The following MMS19 variants were observed in gnomAD, a reference collection of about 807,000 sequenced individuals.
The protein encoded by MMS19 is MMS19 nucleotide excision repair protein homolog.
MMS19 carries 77 observed loss-of-function variants against 129.8 expected under a neutral mutation model. The ratio of observed to expected loss-of-function variants is 0.59; its 90% CI spans 0.49 to 0.72. The LOEUF (loss-of-function observed/expected upper bound fraction) is 0.72, where lower values mean the gene tolerates loss of function less well. MMS19 is among the 30% of genes least tolerant of loss of function. The pLI, the probability that MMS19 is intolerant of heterozygous loss-of-function variation, is 0.00. For synonymous variants in MMS19, 491 were observed against 502.8 expected, an observed-to-expected ratio of 0.98 and a Z score of 0.31; for missense variants, 1,168 against 1,266.3, an observed-to-expected ratio of 0.92 and a Z score of 1.18.
intron 1 of MMS19, among the ~76,000 whole-genome samples, chr10:97,493,840 AC>A (rs1389336359): frequency 6.6e-6 from 1 of 152,034 alleles, no homozygotes; most frequent in Non-Finnish European, 1.5e-5. Flanking sequence ...ACATGGAGAA[AC>A]CCCATCTCTA....
In MMS19 at chr10:97,470,786, G is replaced by C. The variant is rs765501642; in HGVS notation, c.760C>G (p.Arg254Gly). The change falls in exon 9 of 31, where the codon CGA (arginine) becomes GGA (glycine). Residue 254 changes from arginine (R) to glycine (G), a missense_variant. Physicochemically the swap from Arg to Gly is moderately radical, Grantham distance 125 (BLOSUM62 -2). Coordinates refer to ENST00000438925, the MANE Select transcript of MMS19 (RefSeq NM_022362.5). The stretch of plus-strand genomic sequence containing the variant: ...TTGGCTAGACCCACCTCAGCAAATC[G>C]TGGTGTAGAAGCCAGCACAGCGCGA... Reference protein sequence around the residue: ...SLRAVLASTPRFAEFLLPLLI... With the variant: ...SLRAVLASTPGFAEFLLPLLI... The C allele has an allele frequency of 3.7e-6, 6 of 1,612,554 alleles. No individual in the cohort carries two copies. In the South Asian group the frequency reaches 6.6e-5, roughly 18 times the overall value.
intron 1 of MMS19, among the ~76,000 whole-genome samples, chr10:97,496,454 G>A (rs2039802171): frequency 2.0e-5 from 3 of 148,808 alleles, no homozygotes; most frequent in Admixed American, 6.8e-5. Flanking sequence ...CGAGGCTACA[G>A]TGAGCCATGA....
intron 1 of MMS19, among the ~76,000 whole-genome samples, chr10:97,490,750 G>T (rs187819721): frequency 1.6e-4 from 25 of 152,300 alleles, no homozygotes; most frequent in Admixed American, 9.2e-4. Flanking sequence ...GTAAGAAGTC[G>T]TCCAATGAGA....
chr10:97,459,512 C>T lies in MMS19; in HGVS notation c.2754G>A (p.Leu918=). The T allele has an allele frequency of 6.2e-7, 1 of 1,612,772 alleles. No homozygotes were observed. The highest frequency in any genetic ancestry group is 2.2e-5 in the East Asian group (1 of 44,840). ...AGTCAGGGCAGGACAGGGCCTCCAG[C>T]AGCAAGGAAAGAAGCTAAGGGGCAA... ...LPELPTLLSL[L]LEALSCPDCV... is the part of the protein sequence containing the mutation. Residue 918 remains leucine (L), a synonymous_variant, in exon 28 of 31, where the codon CTG becomes CTA. Coordinates refer to ENST00000438925, the MANE Select transcript of MMS19 (RefSeq NM_022362.5).
In MMS19 at chr10:97,458,638, C is replaced by A; in HGVS notation, c.*54G>T. 1 of 1,545,978 alleles carries A rather than the reference C, an allele frequency of 6.5e-7. No homozygotes were observed. The highest frequency in any genetic ancestry group is 8.8e-7 in the Non-Finnish European group (1 of 1,142,068). The stretch of plus-strand genomic sequence containing the variant: ...CCCTGCTTTGGGGAAGATGGCTCAA[C>A]AGTTAGTAATCCCAGGTTAGATTGT... On this transcript the variant is annotated 3_prime_UTR_variant, in exon 31 of 31. Transcript: ENST00000438925.
At position 97,477,425 on chromosome 10, in the gene MMS19, TG is replaced by T. The variant is rs2035962408; in HGVS notation, c.424-10del. 6.2e-7 allele frequency: 1 copy of T among 1,613,282 alleles called. No individual in the cohort carries two copies. The highest frequency in any genetic ancestry group is 8.5e-7 in the Non-Finnish European group (1 of 1,179,714). ...TCCACCTGTGGCAGGGACTTGGGGGTGGGGGAGAAAGAAGTGAAGAAAATGC... is the reference window on the plus strand; with the variant it reads ...TCCACCTGTGGCAGGGACTTGGGGGTGGGGAGAAAGAAGTGAAGAAAATGC... On this transcript the variant is annotated splice_polypyrimidine_tract_variant and intron_variant, in intron 5 of 30. Coordinates refer to ENST00000438925, the MANE Select transcript of MMS19 (RefSeq NM_022362.5).
intron 1 of MMS19, among the ~76,000 whole-genome samples, chr10:97,488,074 G>A (rs2038223911): frequency 6.6e-6 from 1 of 152,048 alleles, no homozygotes; most frequent in South Asian, 2.1e-4. Flanking sequence ...GGGTGACAGA[G>A]TGACGATCTG....
chr10:97,464,086 T>C, intron 18 of MMS19, 73 bp from the exon 19 acceptor site: 4 of 1,398,678 alleles, frequency 2.9e-6, no homozygotes, highest in Non-Finnish European at 3.9e-6. Context: ...ACACAGCAGA[T>C]GAGAGGAACA....
chr10:97,459,977 T>C, intron 26 of MMS19, 69 bp downstream of exon 26: 1 of 1,528,576 alleles, frequency 6.5e-7, no homozygotes, highest in Non-Finnish European at 8.9e-7. Context: ...GGCCCTAAAT[T>C]ATCTTAGGGA....
chr10:97,462,487 G>C (rs187480466), intron 20 of MMS19, 96 bp downstream of exon 20: 13 of 849,028 alleles, frequency 1.5e-5, no homozygotes, highest in Non-Finnish European at 2.6e-5. Flanking sequence ...TTTACATATA[G>C]GTAAAAGGAC....
intron 1 of MMS19, among the ~76,000 whole-genome samples, chr10:97,488,033 G>A (rs1266665926): frequency 6.6e-6 from 1 of 152,116 alleles, no homozygotes; most frequent in Non-Finnish European, 1.5e-5. Context: ...AGGTTGCAGT[G>A]AGCCGAGATC....
At chr10:97,477,035 T>C in intron 6 of MMS19, 72 bp from the exon 7 acceptor site, 1 of 1,597,642 alleles carries the variant, frequency 6.3e-7, no homozygotes, top group South Asian at 1.1e-5. Flanking sequence ...CTAGCCTGTG[T>C]TCTCCCTCTG....
In MMS19 at chr10:97,484,388, T is replaced by C. The variant is rs560668092; in HGVS notation, c.113-237A>G. Among the ~76,000 whole-genome samples, 18 of 152,168 alleles carry C rather than the reference T, an allele frequency of 1.2e-4. No homozygotes were observed. The South Asian group carries it at 3.7e-3, about 31-fold the overall frequency. On this transcript the variant is annotated intron_variant, in intron 1 of 30. Coordinates refer to ENST00000438925, the MANE Select transcript of MMS19 (RefSeq NM_022362.5). ...CATTTGTGAATGACATGAGCGTATA[T>C]CCTGAAAATCCAAGAGAAATAAAAA... is the stretch of plus-strand genomic sequence containing the variant.
intron 19 of MMS19, chr10:97,463,063 G>C (rs970603655): frequency 1.4e-5 from 3 of 220,088 alleles, no homozygotes; most frequent in African/African-American, 2.3e-5. Flanking sequence ...ATCTTCATGG[G>C]TCCTTATTAT....
chr10:97,486,193 T>C (rs192967369), intron 1 of MMS19, among the ~76,000 whole-genome samples: 1 of 152,314 alleles, frequency 6.6e-6, no homozygotes, highest in East Asian at 1.9e-4. Flanking sequence ...TGTTTGTTTG[T>C]TTTTTTCTGA....
At chr10:97,491,026 G>C (rs1039075311) in intron 1 of MMS19, among the ~76,000 whole-genome samples, 1 of 152,144 alleles carries the variant, frequency 6.6e-6, no homozygotes, top group African/African-American at 2.4e-5. Flanking sequence ...ACCTATTTCT[G>C]GGTTACGAAC....
intron 1 of MMS19, among the ~76,000 whole-genome samples, chr10:97,497,017 T>C (rs926191477): frequency 5.9e-5 from 9 of 152,210 alleles, no homozygotes; most frequent in African/African-American, 1.9e-4. Context: ...AAAATGACAT[T>C]GGTAAGACAC....
chr10:97,497,075 T>C (rs577548931), intron 1 of MMS19, among the ~76,000 whole-genome samples: 1 of 152,250 alleles, frequency 6.6e-6, no homozygotes, highest in Non-Finnish European at 1.5e-5. Flanking sequence ...TTTCATAAAA[T>C]TGTAAGATGT....
chr10:97,472,068 C>T (rs1239431657), intron 8 of MMS19, among the ~76,000 whole-genome samples: 1 of 152,062 alleles, frequency 6.6e-6, no homozygotes, highest in Non-Finnish European at 1.5e-5. Context: ...ACTAAGTACC[C>T]AACACAGTAC....
Sources: gnomAD v4.1 joint callset for allele counts (sites outside exome capture counted in the v4.1 genomes callset) on GRCh38, gnomAD v4.1.1 for gene constraint, MANE v1.5 for transcripts, NCBI Gene and HGNC (gene_info 2026-07-23, HGNC 2026-07-21) for gene names.